Variants in STK3 observed in about 807,000 individuals in gnomAD.
STK3 encodes the protein serine/threonine-protein kinase 3.
STK3 carries 41 observed loss-of-function variants against 58.0 expected under a neutral mutation model. The ratio of observed to expected loss-of-function variants is 0.71; its 90% CI spans 0.55 to 0.92. The LOEUF (loss-of-function observed/expected upper bound fraction) is 0.92, where lower values mean the gene tolerates loss of function less well. Ranked by LOEUF, STK3 falls within the 40% of genes least tolerant of loss-of-function variation. STK3 has a pLI of 0.00. For missense variants in STK3, 479 were observed against 602.7 expected, an observed-to-expected ratio of 0.79 and a Z score of 2.15; for synonymous variants, 170 against 191.0, an observed-to-expected ratio of 0.89 and a Z score of 0.91.
At chr8:98,653,146 T>C (rs1308435491) in intron 6 of STK3, among the ~76,000 whole-genome samples, 4 of 152,326 alleles carry the variant, frequency 2.6e-5, no homozygotes, top group Middle Eastern at 6.8e-3. Context: ...CAGACCACAG[T>C]GCAATCAAAC....
At chr8:98,525,439 AAAAG>A (rs1250932100) in intron 10 of STK3, among the ~76,000 whole-genome samples, 1 of 152,144 alleles carries the variant, frequency 6.6e-6, no homozygotes, top group Non-Finnish European at 1.5e-5. Context: ...AAAAAAAAAA[AAAAG>A]ATTTATTCCA....
Position 98,620,426 on chromosome 8 carries a change from C to T in STK3, c.685-24257G>A, listed in dbSNP as rs1205454837. On this transcript the variant is annotated intron_variant, in intron 6 of 10. Transcript: ENST00000419617. Reference sequence around the variant, plus strand: ...GCACATGTATACATATGTAACTAACCTGCACAATGTGCACATGTACCCTAA... The same window carrying T: ...GCACATGTATACATATGTAACTAACTTGCACAATGTGCACATGTACCCTAA... Among the ~76,000 whole-genome samples the T allele has an allele frequency of 9.1e-5, 13 of 142,934 alleles. 1 individual carries two copies. The highest frequency in any genetic ancestry group is 3.1e-4 in the African/African-American group (12 of 38,790). 93.8% of individuals were successfully genotyped at this position (142,934 alleles called of 152,430 possible). A position where few individuals can be genotyped will look rare whatever the true frequency, so the allele number is the denominator to read the frequency against.
intron 1 of STK3, among the ~76,000 whole-genome samples, chr8:98,785,883 G>A (rs563717964): frequency 1.1e-3 from 164 of 152,238 alleles, no homozygotes; most frequent in African/African-American, 3.7e-3. Context: ...CTACCAGTAC[G>A]AAAATAATTA....
At chr8:98,699,295 C>T (rs1379594395) in intron 6 of STK3, among the ~76,000 whole-genome samples, 1 of 152,114 alleles carries the variant, frequency 6.6e-6, no homozygotes, top group Non-Finnish European at 1.5e-5. Flanking sequence ...AACTTCTTTG[C>T]CTTTGGTTTG....
intron 1 of STK3, chr8:98,889,628 G>A (rs762138389): frequency 3.9e-5 from 6 of 152,174 alleles, no homozygotes; most frequent in Non-Finnish European, 7.3e-5. Flanking sequence ...GACCAAGATC[G>A]TCAAGGTATA....
intron 3 of STK3, among the ~76,000 whole-genome samples, chr8:98,860,598 G>A (rs1836895966): frequency 6.6e-6 from 1 of 152,176 alleles, no homozygotes; most frequent in Admixed American, 6.5e-5. Context: ...ACATGATAAC[G>A]CGCAGATTGC....
At position 98,905,000 on chromosome 8, in the gene STK3, A is replaced by C. The variant is rs1587828540; in HGVS notation, c.-78-21166T>G. Reference sequence around the variant, plus strand: ...CGTAAGAGCAGACCCAGTATCGCTTATAGTAGTGGAGTGCTGCATATGCAT... The same window carrying C: ...CGTAAGAGCAGACCCAGTATCGCTTCTAGTAGTGGAGTGCTGCATATGCAT... On this transcript the variant is annotated intron_variant, in intron 1 of 1. Transcript: ENST00000519420. The C allele has an allele frequency of 3.9e-6, 3 of 766,330 alleles. No individual in the cohort carries two copies. In the Admixed American group the frequency reaches 5.3e-5, roughly 13 times the overall value. The allele number at this position is 766,330 out of a possible 1,614,324, so 47.5% of individuals were successfully genotyped here.
Position 98,428,842 on chromosome 8 carries a change from C to T in STK3, n.483+5285G>A. On this transcript the variant is annotated intron_variant and non_coding_transcript_variant, in intron 3 of 3. Transcript: ENST00000517832. This position sits in a 1 kb window ranked among gnomAD's most constrained non-coding sequence, Gnocchi z 6.7. Reference sequence around the variant, plus strand: ...GTGGTGGAGAGCACACCTACTTTAGCCAACTTGGGCAGGGTGGCCCAGGTC... The same window carrying T: ...GTGGTGGAGAGCACACCTACTTTAGTCAACTTGGGCAGGGTGGCCCAGGTC... The T allele has an allele frequency of 1.2e-6, 2 of 1,614,150 alleles. No individual in the cohort carries two copies. Among genetic ancestry groups the T allele is most frequent in the Non-Finnish European group, 1.7e-6 (2 of 1,180,038 alleles).
intron 4 of STK3, among the ~76,000 whole-genome samples, chr8:98,737,015 T>C (rs1828652079): frequency 6.6e-6 from 1 of 152,230 alleles, no homozygotes. Flanking sequence ...AGGATTATGC[T>C]GTCACAACAA....
chr8:98,643,719 T>C (rs868012488), intron 6 of STK3, among the ~76,000 whole-genome samples: 4 of 152,164 alleles, frequency 2.6e-5, no homozygotes, highest in Admixed American at 6.5e-5. Context: ...AATGAATAAA[T>C]GAACTTTGTG....
At chr8:98,695,432 C>A (rs1314699808) in intron 6 of STK3, among the ~76,000 whole-genome samples, 2 of 152,116 alleles carry the variant, frequency 1.3e-5, no homozygotes, top group South Asian at 4.1e-4. Flanking sequence ...ATGCCTATGT[C>A]CTGAATGGTA....
At chr8:98,802,413 TAAG>T (rs766418880) in intron 1 of STK3, among the ~76,000 whole-genome samples, 34 of 152,310 alleles carry the variant, frequency 2.2e-4, no homozygotes, top group Non-Finnish European at 4.9e-4. Context: ...TGCTACAAGT[TAAG>T]AACATATCTA....
intron 4 of STK3, among the ~76,000 whole-genome samples, chr8:98,711,745 C>A (rs1030948922): frequency 2.0e-5 from 3 of 152,128 alleles, no homozygotes; most frequent in Admixed American, 6.5e-5. Flanking sequence ...CTCAACCTAC[C>A]AAGGCAGGCT....
downstream of STK3, among the ~76,000 whole-genome samples, chr8:98,453,535 C>T (rs191262836): frequency 3.8e-4 from 58 of 152,182 alleles, no homozygotes; most frequent in East Asian, 9.7e-3. Flanking sequence ...AAAACAATGC[C>T]CATTCCTCTT....
chr8:98,645,110 T>A (rs1820305639), intron 6 of STK3, among the ~76,000 whole-genome samples: 1 of 152,214 alleles, frequency 6.6e-6, no homozygotes, highest in Non-Finnish European at 1.5e-5. Context: ...TGGGAGTTCA[T>A]AAAGTTGAAA....
chr8:98,769,654 T>C (rs1371586344), intron 2 of STK3, among the ~76,000 whole-genome samples: 2 of 152,270 alleles, frequency 1.3e-5, no homozygotes, highest in Non-Finnish European at 1.5e-5. Context: ...TGATGGTCTA[T>C]GGCATTCAGT....
chr8:98,509,965 A>C (rs1824374821), intron 10 of STK3, among the ~76,000 whole-genome samples: 1 of 152,042 alleles, frequency 6.6e-6, no homozygotes, highest in Admixed American at 6.6e-5. Context: ...TCTATTTTGA[A>C]ATTTTGTAGG....
chr8:98,648,558 C>T (rs1358227269), intron 6 of STK3, among the ~76,000 whole-genome samples: 1 of 152,080 alleles, frequency 6.6e-6, no homozygotes, highest in Non-Finnish European at 1.5e-5. Context: ...AATTTGCCAC[C>T]AATATTGAGT....
chr8:98,407,468 TAA>T (rs887209455), intron 3 of STK3, among the ~76,000 whole-genome samples: 36 of 152,336 alleles, frequency 2.4e-4, no homozygotes, highest in African/African-American at 8.2e-4. Context: ...ACGCCATGCG[TAA>T]GTCAGCAGGC....
Sources: gnomAD v4.1 joint callset for allele counts (sites outside exome capture counted in the v4.1 genomes callset) on GRCh38, gnomAD v4.1.1 for gene constraint, Gnocchi (gnomAD v3.1) non-coding constraint, MANE v1.5 for transcripts, NCBI Gene and HGNC (gene_info 2026-07-23, HGNC 2026-07-21) for gene names.